NDP: variants seen among roughly 807,000 people sequenced by gnomAD.
NDP encodes norrin.
NDP carries 2 observed loss-of-function variants against 8.4 expected under a neutral mutation model. That is an observed-to-expected ratio of 0.24 (90% CI 0.10 to 0.75). NDP has a LOEUF of 0.75. Among genes scored for constraint, NDP ranks in the 30% least tolerant of loss-of-function variants. The probability of loss-of-function intolerance (pLI) is 0.73; values close to 1 mark genes in which losing one functional copy is unlikely to be tolerated. For synonymous variants in NDP, 55 were observed against 45.6 expected (o/e 1.21, Z -0.83); for missense variants, 81 against 110.1 (o/e 0.74, Z 1.18).
chrX:43,949,709 T>C lies in NDP; in HGVS notation c.*90A>G. The C allele has an allele frequency of 7.0e-6, 6 of 853,736 alleles. No homozygotes were observed. Among genetic ancestry groups the C allele is most frequent in the Non-Finnish European group, 1.0e-5 (6 of 588,317 alleles). The allele number at this position is 853,736 out of a possible 1,213,427, so 70.4% of individuals were successfully genotyped here. A position where few individuals can be genotyped will look rare whatever the true frequency, so the allele number is the denominator to read the frequency against. Reference sequence around the variant, plus strand: ...CCGGGAGAATTGTTGCATCCTTTTTTGCCTTAACTCTTTTCTTGCCAGTCT... The same window carrying C: ...CCGGGAGAATTGTTGCATCCTTTTTCGCCTTAACTCTTTTCTTGCCAGTCT... On this transcript the variant is annotated 3_prime_UTR_variant, in exon 3 of 3. Transcript: ENST00000642620.
intron 1 of NDP, chrX:43,969,590 G>C (rs1401837190): frequency 8.9e-6 from 1 of 112,669 alleles, no homozygotes; most frequent in East Asian, 2.8e-4. Flanking sequence ...GCAGCCCAAA[G>C]GGCAGCTAAG....
chrX:43,966,464 G>A (rs2035858497), intron 1 of NDP: 1 of 111,953 alleles, frequency 8.9e-6, no homozygotes, highest in South Asian at 3.8e-4. Flanking sequence ...TCCCTCCCAG[G>A]AAGGGGATTT....
chrX:43,950,184 G>A, intron 2 of NDP, 158 bp from the exon 3 acceptor site: 1 of 487,556 alleles, frequency 2.1e-6, no homozygotes, highest in Non-Finnish European at 3.6e-6. Context: ...CAACACCCAG[G>A]CCTCATTCAG....
Position 43,949,654 on chromosome X carries a change from A to T in NDP, c.*145T>A. Reference sequence around the variant, plus strand: ...TATCTCTCTCTGTCAACAAGCATGTAGAGTCTTTATTACTAGAATATGCAG... The same window carrying T: ...TATCTCTCTCTGTCAACAAGCATGTTGAGTCTTTATTACTAGAATATGCAG... On this transcript the variant is annotated 3_prime_UTR_variant, in exon 3 of 3. Transcript: ENST00000642620. 1 of 538,617 alleles carries T rather than the reference A, an allele frequency of 1.9e-6. No individual in the cohort carries two copies. Among genetic ancestry groups the T allele is most frequent in the Non-Finnish European group, 3.2e-6 (1 of 313,800 alleles). The allele number at this position is 538,617 out of a possible 1,213,427, so 44.4% of individuals were successfully genotyped here.
chrX:43,952,122 G>T (rs929640263), intron 2 of NDP, among the ~76,000 whole-genome samples: 1 of 111,775 alleles, frequency 8.9e-6, no homozygotes, highest in African/African-American at 3.3e-5. Context: ...CTCCTGTGTA[G>T]CCAGGACTAC....
intron 1 of NDP, among the ~76,000 whole-genome samples, chrX:43,969,793 C>G (rs1312317603): frequency 9.0e-6 from 1 of 111,730 alleles, no homozygotes; most frequent in African/African-American, 3.3e-5. Flanking sequence ...GAGCAAAGAG[C>G]CAGCTGACAA....
intron 1 of NDP, among the ~76,000 whole-genome samples, chrX:43,970,153 G>A (rs1226298572): frequency 8.9e-6 from 1 of 111,954 alleles, no homozygotes; most frequent in Non-Finnish European, 1.9e-5. Flanking sequence ...CATACACAAA[G>A]AGGAAATGAC....
At chrX:43,963,260 G>C (rs1488112023) in intron 1 of NDP, among the ~76,000 whole-genome samples, 2 of 111,966 alleles carry the variant, frequency 1.8e-5, no homozygotes, top group African/African-American at 6.5e-5. Context: ...GATAGGGTCA[G>C]GGGAAAAATA....
At chrX:43,954,582 A>C (rs962266801) in intron 2 of NDP, 1 of 111,215 alleles carries the variant, frequency 9.0e-6, no homozygotes, top group Admixed American at 9.6e-5. Context: ...TCCTTTTAAA[A>C]AAATCAAATT....
At chrX:43,951,358 G>A (rs1316133600) in intron 2 of NDP, among the ~76,000 whole-genome samples, 1 of 110,892 alleles carries the variant, frequency 9.0e-6, no homozygotes, top group Admixed American at 9.7e-5. Flanking sequence ...GAGGCTGCAG[G>A]AAGCTATGAT....
chrX:43,956,827 G>T (rs1213797365), intron 2 of NDP, among the ~76,000 whole-genome samples: 2 of 112,027 alleles, frequency 1.8e-5, no homozygotes, highest in African/African-American at 6.5e-5. Flanking sequence ...GTGAATAACA[G>T]TACACTAAAG....
At chrX:43,958,370 A>C in intron 2 of NDP, 102 bp downstream of exon 2, 1 of 989,052 alleles carries the variant, frequency 1.0e-6, no homozygotes, top group Non-Finnish European at 1.4e-6. Context: ...CACATCACTT[A>C]AGTTTGGGCT....
intron 2 of NDP, among the ~76,000 whole-genome samples, chrX:43,951,430 G>T (rs1478456939): frequency 9.1e-6 from 1 of 110,468 alleles, no homozygotes; most frequent in African/African-American, 3.3e-5. Context: ...GAAAAGAAAA[G>T]AAAAGAAAAA....
intron 1 of NDP, among the ~76,000 whole-genome samples, chrX:43,959,766 T>C (rs982461430): frequency 9.0e-6 from 1 of 111,635 alleles, no homozygotes; most frequent in Non-Finnish European, 1.9e-5. Context: ...ACAGAAAGTA[T>C]CAAAAATATT....
intron 1 of NDP, among the ~76,000 whole-genome samples, chrX:43,961,473 C>T (rs889537433): frequency 5.4e-5 from 6 of 111,874 alleles, no homozygotes; most frequent in African/African-American, 1.9e-4. Flanking sequence ...TGCAGAAACT[C>T]TATGTATTGA....
intron 1 of NDP, among the ~76,000 whole-genome samples, chrX:43,965,558 G>A (rs1320998701): frequency 2.7e-5 from 3 of 111,882 alleles, no homozygotes; most frequent in East Asian, 2.8e-4. Flanking sequence ...AAGCATAAAC[G>A]GGGAGAGAAG....
intron 2 of NDP, chrX:43,953,258 C>A (rs1405142987): frequency 1.8e-5 from 2 of 112,079 alleles, no homozygotes; most frequent in Non-Finnish European, 3.8e-5. Context: ...ACCATCTGCT[C>A]TCCTGGTTTA....
intron 1 of NDP, among the ~76,000 whole-genome samples, chrX:43,962,999 G>A (rs770402075): frequency 1.8e-5 from 2 of 112,238 alleles, no homozygotes; most frequent in Non-Finnish European, 3.8e-5. Flanking sequence ...CTGGCTGGCA[G>A]AGGGTAAAGT....
At chrX:43,967,685 C>G (rs916552080) in intron 1 of NDP, among the ~76,000 whole-genome samples, 1 of 111,706 alleles carries the variant, frequency 9.0e-6, no homozygotes, top group Non-Finnish European at 1.9e-5. Context: ...CCTGCTCTCT[C>G]CCTATTTTTA....
Sources: gnomAD v4.1 joint callset for allele counts (sites outside exome capture counted in the v4.1 genomes callset) on GRCh38, gnomAD v4.1.1 for gene constraint, MANE v1.5 for transcripts, NCBI Gene and HGNC (gene_info 2026-07-23, HGNC 2026-07-21) for gene names.